CCDC85C: variants seen among roughly 807,000 people sequenced by gnomAD.
CCDC85C encodes the protein coiled-coil domain-containing protein 85C.
In CCDC85C, 18 loss-of-function variants were observed where a neutral mutation model predicts 38.3. The ratio of observed to expected loss-of-function variants is 0.47; its 90% CI spans 0.33 to 0.70. The LOEUF (loss-of-function observed/expected upper bound fraction) is 0.70. Ranked by LOEUF, CCDC85C falls within the 30% of genes least tolerant of loss-of-function variation. The pLI is 0.03. For synonymous variants in CCDC85C, 264 were observed against 293.8 expected (o/e 0.90, Z 1.04); for missense variants, 566 against 621.2 (o/e 0.91, Z 0.94).
intron 1 of CCDC85C, among the ~76,000 whole-genome samples, chr14:99,539,353 C>T (rs865885650): frequency 6.6e-6 from 1 of 151,594 alleles, no homozygotes; most frequent in Admixed American, 6.6e-5. Flanking sequence ...ACCTGTAATC[C>T]CAGCTACTCA....
chr14:99,585,801 G>T (rs757168913), intron 1 of CCDC85C, among the ~76,000 whole-genome samples: 1 of 152,148 alleles, frequency 6.6e-6, no homozygotes, highest in African/African-American at 2.4e-5. Context: ...GGTAACTAAA[G>T]ACCTCCTCAC....
chr14:99,535,592 C>T lies in CCDC85C; in HGVS notation c.867+423G>A, dbSNP rs1348977571. Among the ~76,000 whole-genome samples the T allele has an allele frequency of 6.6e-5, 10 of 152,188 alleles. No individual in the cohort carries two copies. The highest frequency in any genetic ancestry group is 3.9e-4 in the Admixed American group (6 of 15,292). On this transcript the variant is annotated intron_variant, in intron 2 of 5. Transcript: ENST00000380243. This position sits in a 1 kb window ranked among gnomAD's most constrained non-coding sequence, Gnocchi z 5.5. The stretch of plus-strand genomic sequence containing the variant: ...AGCCTCATCTGTCTGTGGGTGAGGT[C>T]GGGCCCAGGAGGGAGGAGGGGAACC...
At chr14:99,573,086 C>A in intron 1 of CCDC85C, 1 of 319,122 alleles carries the variant, frequency 3.1e-6, no homozygotes, top group Non-Finnish European at 6.2e-6. Flanking sequence ...TAAGCTGTTT[C>A]CGGGGCGCTC....
In CCDC85C at chr14:99,572,631, C is replaced by T. The variant is rs762326475; in HGVS notation, c.793+30536G>A. ...GCTGGAAACCTTCCAGGGACGACAG[C>T]TGCTTATCATCCAAGCCCCAGGTGA... On this transcript the variant is annotated intron_variant, in intron 1 of 5. Transcript: ENST00000380243. The surrounding 1 kb of genome is among the most constrained non-coding windows in gnomAD (Gnocchi z 4.4). 3 of 454,300 alleles carry T rather than the reference C, an allele frequency of 6.6e-6. No homozygotes were observed. Among genetic ancestry groups the T allele is most frequent in the African/African-American group, 2.0e-5 (1 of 50,016 alleles). The allele number at this position is 454,300 out of a possible 1,614,324, so 28.1% of individuals were successfully genotyped here.
At chr14:99,537,666 C>A (rs1897630088) in intron 1 of CCDC85C, among the ~76,000 whole-genome samples, 1 of 152,184 alleles carries the variant, frequency 6.6e-6, no homozygotes, top group Non-Finnish European at 1.5e-5. Context: ...GCTCCCCATC[C>A]AGGCCCAGCC....
chr14:99,510,678 C>T lies in CCDC85C; in HGVS notation c.*4568G>A, dbSNP rs1475361156. 7.1e-7 allele frequency: 1 copy of T among 1,410,848 alleles called. No individual in the cohort carries two copies. 87.4% of individuals were successfully genotyped at this position (1,410,848 alleles called of 1,614,324 possible). On this transcript the variant is annotated 3_prime_UTR_variant, in exon 6 of 6. Transcript: ENST00000380243. ...GGGCCTGCCGCCAGCCAGCTACCCA[C>T]CTCCTGCCGTCCCCCCTGGAGGACA...
rs1027255021 is a variant in CCDC85C, at chr14:99,576,976, C to T, written c.793+26191G>A. Among the ~76,000 whole-genome samples, 4 of 152,024 alleles carry T rather than the reference C, an allele frequency of 2.6e-5. No individual in the cohort carries two copies. The highest frequency in any genetic ancestry group is 6.5e-5 in the Admixed American group (1 of 15,284). Reference sequence around the variant, plus strand: ...TGCCTGGGGGCACGGTGGACACCAGCGAATGCCCATGCCCAGGACCCCTGC... The same window carrying T: ...TGCCTGGGGGCACGGTGGACACCAGTGAATGCCCATGCCCAGGACCCCTGC... On this transcript the variant is annotated intron_variant, in intron 1 of 5. Transcript: ENST00000380243. The surrounding 1 kb of genome is among the most constrained non-coding windows in gnomAD (Gnocchi z 4.8).
At chr14:99,522,539 G>C (rs1897318081) in intron 2 of CCDC85C, 1 of 258,256 alleles carries the variant, frequency 3.9e-6, no homozygotes, top group African/African-American at 2.2e-5. Context: ...CGAGTGAGGA[G>C]AGAGTGTCTC....
Position 99,508,981 on chromosome 14 carries a change from G to A in CCDC85C, c.*6265C>T, listed in dbSNP as rs1897044448. 6.6e-6 allele frequency: 1 copy of A among 152,224 alleles called. No homozygotes were observed. The allele number at this position is 152,224 out of a possible 1,614,324, so 9.4% of individuals were successfully genotyped here. A position where few individuals can be genotyped will look rare whatever the true frequency, so the allele number is the denominator to read the frequency against. On this transcript the variant is annotated 3_prime_UTR_variant, in exon 6 of 6. Transcript: ENST00000380243. Reference sequence around the variant, plus strand: ...AGCCAAAGCCAGTTATCTAAGGCCAGGCACATATGACCTTCCTACCCGGTA... The same window carrying A: ...AGCCAAAGCCAGTTATCTAAGGCCAAGCACATATGACCTTCCTACCCGGTA...
rs918748696 is a variant in CCDC85C at position 99,536,218 on chromosome 14, C to T, written c.794-130G>A. On this transcript the variant is annotated intron_variant, in intron 1 of 5. Coordinates refer to ENST00000380243, the MANE Select transcript of CCDC85C (RefSeq NM_001144995.2). ...GGAGTCCCACCCCACAGCCAGGTGA[C>T]GCCCCAGCCCCTCCGAGCCCTCGCC... 158 of 702,722 alleles carry T rather than the reference C, an allele frequency of 2.2e-4. 2 individuals are homozygous for T. In the Admixed American group the frequency reaches 2.8e-3, roughly 13 times the overall value. The allele number at this position is 702,722 out of a possible 1,614,324, so 43.5% of individuals were successfully genotyped here. A position where few individuals can be genotyped will look rare whatever the true frequency, so the allele number is the denominator to read the frequency against.
rs1381416080 is a variant in CCDC85C at position 99,500,667 on chromosome 14, C to T, written c.*14579G>A. 1.2e-6 allele frequency: 1 copy of T among 806,514 alleles called. No individual in the cohort carries two copies. Among genetic ancestry groups the T allele is most frequent in the Non-Finnish European group, 2.1e-6 (1 of 476,104 alleles). The allele number at this position is 806,514 out of a possible 1,614,324, so 50.0% of individuals were successfully genotyped here. A position where few individuals can be genotyped will look rare whatever the true frequency, so the allele number is the denominator to read the frequency against. On this transcript the variant is annotated 3_prime_UTR_variant, in exon 6 of 6. Coordinates refer to ENST00000380243, the MANE Select transcript of CCDC85C (RefSeq NM_001144995.2). ...AGGAAAGGCAGTTGCTAAAATATAA[C>T]TTGAAGAGAGAATAAATAGACAGGA...
At position 99,500,573 on chromosome 14, in the gene CCDC85C, T is replaced by C. The variant is rs556346483; in HGVS notation, c.*14673A>G. The C allele has an allele frequency of 3.6e-6, 2 of 557,358 alleles. No homozygotes were observed. The highest frequency in any genetic ancestry group is 3.2e-5 in the East Asian group (1 of 31,072). 34.5% of individuals were successfully genotyped at this position (557,358 alleles called of 1,614,324 possible). A position where few individuals can be genotyped will look rare whatever the true frequency, so the allele number is the denominator to read the frequency against. On this transcript the variant is annotated 3_prime_UTR_variant, in exon 6 of 6. Coordinates refer to ENST00000380243, the MANE Select transcript of CCDC85C (RefSeq NM_001144995.2). ...ACATTACACCTCTGCTTTGTCTTCC[T>C]GTTTGAGATCTTTTCAGAATTTATC...
intron 2 of CCDC85C, among the ~76,000 whole-genome samples, chr14:99,526,212 C>T (rs544541585): frequency 1.3e-5 from 2 of 152,324 alleles, no homozygotes; most frequent in Admixed American, 6.5e-5. Context: ...CCAGTTTCAC[C>T]GCAGCTGAAG....
chr14:99,566,999 A>G (rs544289251), intron 1 of CCDC85C, among the ~76,000 whole-genome samples: 1 of 152,274 alleles, frequency 6.6e-6, no homozygotes, highest in Admixed American at 6.5e-5. Flanking sequence ...TCCAGCCTCA[A>G]GAGGGCCCGA....
intron 1 of CCDC85C, among the ~76,000 whole-genome samples, chr14:99,542,192 G>A (rs919905195): frequency 1.4e-4 from 21 of 152,218 alleles, no homozygotes; most frequent in African/African-American, 5.1e-4. Flanking sequence ...GGAGTCAGCT[G>A]CAGCCTCAGG....
intron 2 of CCDC85C, 28 bp from the exon 3 acceptor site, chr14:99,522,268 G>A: frequency 1.3e-6 from 2 of 1,506,956 alleles, no homozygotes; most frequent in African/African-American, 2.8e-5. Context: ...AGAGGGGTTA[G>A]ACGGAGGGCC....
chr14:99,502,822 A>G lies in CCDC85C; in HGVS notation c.*12424T>C. ...AGCCCCCATCTCTTCAGCCTACACCACAAGTGCCGCAAGTACAGCAGTCAC... is the reference window on the plus strand; with the variant it reads ...AGCCCCCATCTCTTCAGCCTACACCGCAAGTGCCGCAAGTACAGCAGTCAC... On this transcript the variant is annotated 3_prime_UTR_variant, in exon 6 of 6. Transcript: ENST00000380243. 2 of 1,613,404 alleles carry G rather than the reference A, an allele frequency of 1.2e-6. No homozygotes were observed. Among genetic ancestry groups the G allele is most frequent in the Non-Finnish European group, 1.7e-6 (2 of 1,179,740 alleles).
chr14:99,562,905 TCACA>T (rs1283039898), intron 1 of CCDC85C, among the ~76,000 whole-genome samples: 1 of 152,016 alleles, frequency 6.6e-6, no homozygotes, highest in Non-Finnish European at 1.5e-5. Flanking sequence ...ATGTGCACAC[TCACA>T]CACTCACTCT....
chr14:99,567,155 A>C (rs2139956941), intron 1 of CCDC85C, among the ~76,000 whole-genome samples: 1 of 151,516 alleles, frequency 6.6e-6, no homozygotes, highest in East Asian at 2.0e-4. Context: ...CCCGATTCTC[A>C]TCTGCGCTGA....
Sources: gnomAD v4.1 joint callset for allele counts (sites outside exome capture counted in the v4.1 genomes callset) on GRCh38, gnomAD v4.1.1 for gene constraint, Gnocchi (gnomAD v3.1) non-coding constraint, MANE v1.5 for transcripts, NCBI Gene and HGNC (gene_info 2026-07-23, HGNC 2026-07-21) for gene names.